The following CSMD1 variants were observed in gnomAD, a reference collection of about 807,000 sequenced individuals.
CSMD1 encodes CUB and Sushi multiple domains 1.
CSMD1 carries 213 observed loss-of-function variants against 417.5 expected under a neutral mutation model. That is an observed-to-expected ratio of 0.51 (90% confidence interval 0.46 to 0.57). The LOEUF is 0.57. Among genes scored for constraint, CSMD1 ranks in the 20% least tolerant of loss-of-function variants. CSMD1 has a pLI of 0.00. For missense variants in CSMD1, 6,923 were observed against 4,529.7 expected (o/e 1.53, Z -15.17); for synonymous variants, 2,862 against 1,736.8 (o/e 1.65, Z -16.11).
intron 1 of CSMD1, among the ~76,000 whole-genome samples, chr8:4,873,956 T>G (rs1381426885): frequency 6.6e-6 from 1 of 152,144 alleles, no homozygotes; most frequent in Admixed American, 6.5e-5. Flanking sequence ...AGGAACTATT[T>G]CAAGCTATAA....
At chr8:3,959,021 C>G (rs906808824) in intron 5 of CSMD1, among the ~76,000 whole-genome samples, 1 of 152,178 alleles carries the variant, frequency 6.6e-6, no homozygotes, top group Non-Finnish European at 1.5e-5. Flanking sequence ...TACTCTGCGG[C>G]GGCTTCTCCA....
At chr8:4,208,873 C>T (rs73658485) in intron 3 of CSMD1, among the ~76,000 whole-genome samples, 5 of 152,038 alleles carry the variant, frequency 3.3e-5, no homozygotes, top group Admixed American at 6.6e-5. Flanking sequence ...TTCAAAATAC[C>T]AGGGAGTGTG....
chr8:4,772,359 A>G (rs924518218), intron 1 of CSMD1, among the ~76,000 whole-genome samples: 11 of 152,148 alleles, frequency 7.2e-5, no homozygotes, highest in African/African-American at 2.4e-4. Flanking sequence ...CCATTCAAAG[A>G]AAGTTCTCGG....
chr8:3,167,168 G>T (rs13279354), intron 37 of CSMD1, among the ~76,000 whole-genome samples: 1 of 151,584 alleles, frequency 6.6e-6, no homozygotes, highest in Non-Finnish European at 1.5e-5. Flanking sequence ...GCCTGTAATC[G>T]CAGGTACTTG....
intron 50 of CSMD1, among the ~76,000 whole-genome samples, chr8:3,045,325 A>C (rs1811364028): frequency 6.6e-6 from 1 of 152,188 alleles, no homozygotes. Context: ...AATGAGAAGC[A>C]ATTTTGTTAA....
intron 38 of CSMD1, among the ~76,000 whole-genome samples, chr8:3,158,817 C>A (rs559857395): frequency 1.4e-4 from 21 of 152,020 alleles, no homozygotes; most frequent in African/African-American, 5.1e-4. Context: ...TTTCCATTTG[C>A]CACCCACAAT....
chr8:3,805,531 T>C (rs1383324789), intron 5 of CSMD1, among the ~76,000 whole-genome samples: 4 of 152,174 alleles, frequency 2.6e-5, no homozygotes, highest in East Asian at 1.9e-4. Context: ...AACACTTTCA[T>C]CTGCAGTGGA....
At chr8:3,904,481 T>G (rs1054351635) in intron 5 of CSMD1, among the ~76,000 whole-genome samples, 4 of 152,222 alleles carry the variant, frequency 2.6e-5, no homozygotes, top group African/African-American at 9.6e-5. Context: ...TTGGCCATGG[T>G]TGTTCTACGG....
rs1263406026 is a variant in CSMD1, at chr8:4,312,449, ACGTATATATATG to A, written c.415+107492_415+107503del. 3.3e-3 allele frequency among the ~76,000 whole-genome samples: 381 copies of A among 114,174 alleles called. 19 individuals are homozygous for A. The South Asian group carries it at 0.047, about 14-fold the overall frequency. 74.9% of individuals were successfully genotyped at this position (114,174 alleles called of 152,430 possible). On this transcript the variant is annotated intron_variant, in intron 3 of 69. Coordinates refer to ENST00000635120, the MANE Select transcript of CSMD1 (RefSeq NM_033225.6). ...CGTATATATATATGCGTATATATAT[ACGTATATATATG>A]CGCGTATATATATATATACACATAT... is the stretch of plus-strand genomic sequence containing the variant.
rs1305606731 is a variant in CSMD1, at chr8:2,962,462, T to C, written c.9628+4A>G. 4 of 1,611,816 alleles carry C rather than the reference T, an allele frequency of 2.5e-6. No homozygotes were observed. Among genetic ancestry groups the C allele is most frequent in the Non-Finnish European group, 3.4e-6 (4 of 1,178,334 alleles). ...TATCCCCAGAGCTGTATGATAATTA[T>C]TACCAATGCAGGTGGGTTGTATGCC... On this transcript the variant is annotated splice_donor_region_variant and intron_variant, in intron 61 of 69. Coordinates refer to ENST00000635120, the MANE Select transcript of CSMD1 (RefSeq NM_033225.6).
intron 3 of CSMD1, among the ~76,000 whole-genome samples, chr8:4,074,757 A>G (rs1203580254): frequency 6.6e-6 from 1 of 152,172 alleles, no homozygotes; most frequent in African/African-American, 2.4e-5. Flanking sequence ...AAACAAAAAA[A>G]AAACATTGCT....
At chr8:4,192,379 T>A (rs1222465021) in intron 3 of CSMD1, among the ~76,000 whole-genome samples, 2 of 152,126 alleles carry the variant, frequency 1.3e-5, no homozygotes, top group African/African-American at 4.8e-5. Flanking sequence ...CTCTTTCTCT[T>A]GCTCTCTTTG....
intron 3 of CSMD1, among the ~76,000 whole-genome samples, chr8:4,079,059 C>T (rs906779709): frequency 6.6e-6 from 1 of 151,012 alleles, no homozygotes; most frequent in African/African-American, 2.4e-5. Context: ...AGAGTGGTCC[C>T]GAATGGAACT....
At chr8:3,244,624 A>G (rs904366071) in intron 26 of CSMD1, among the ~76,000 whole-genome samples, 2 of 152,224 alleles carry the variant, frequency 1.3e-5, no homozygotes, top group African/African-American at 2.4e-5. Flanking sequence ...CAGGACAGCC[A>G]GGGTGAAACA....
chr8:4,527,487 C>T (rs757180928), intron 2 of CSMD1, among the ~76,000 whole-genome samples: 3 of 152,074 alleles, frequency 2.0e-5, no homozygotes, highest in Non-Finnish European at 2.9e-5. Flanking sequence ...TTGTCAGTGT[C>T]AAGATATAAA....
chr8:4,694,255 C>G lies in CSMD1; in HGVS notation c.86-56697G>C, dbSNP rs941940364. On this transcript the variant is annotated intron_variant, in intron 1 of 69. Coordinates refer to ENST00000635120, the MANE Select transcript of CSMD1 (RefSeq NM_033225.6). ...TCAGAAACTCAAAAGAATGTAACAG[C>G]TTGTCTCCTATCTACCTATGACATG... is the stretch of plus-strand genomic sequence containing the variant. Among the ~76,000 whole-genome samples the G allele has an allele frequency of 2.6e-5, 4 of 152,190 alleles. No homozygotes were observed. The South Asian group carries it at 8.3e-4, about 31-fold the overall frequency.
intron 5 of CSMD1, among the ~76,000 whole-genome samples, chr8:3,764,145 C>A (rs866239643): frequency 6.6e-6 from 1 of 152,156 alleles, no homozygotes; most frequent in Non-Finnish European, 1.5e-5. Flanking sequence ...GAGTGCACAG[C>A]ACTCTCTCAC....
intron 1 of CSMD1, among the ~76,000 whole-genome samples, chr8:4,905,795 G>A (rs1174022497): frequency 6.7e-6 from 1 of 148,158 alleles, no homozygotes; most frequent in Non-Finnish European, 1.5e-5. Flanking sequence ...ACTCCAGCCT[G>A]GGCCACAGAG....
intron 10 of CSMD1, among the ~76,000 whole-genome samples, chr8:3,509,696 C>T (rs1796983212): frequency 6.6e-6 from 1 of 152,200 alleles, no homozygotes; most frequent in South Asian, 2.1e-4. Flanking sequence ...TCATCTTCAA[C>T]TGCAGGGCTA....
Sources: allele counts gnomAD v4.1 joint callset (sites outside exome capture counted in the v4.1 genomes callset), GRCh38; gene constraint gnomAD v4.1.1; transcripts MANE v1.5; gene names NCBI Gene and HGNC (gene_info 2026-07-23, HGNC 2026-07-21).